Variants in NRXN3 observed in about 807,000 individuals in gnomAD.
NRXN3 encodes neurexin III.
In NRXN3, 32 loss-of-function variants were observed where a neutral mutation model predicts 137.6. The observed-to-expected ratio is 0.23, with a 90% CI of 0.18 to 0.31. The LOEUF (loss-of-function observed/expected upper bound fraction) is 0.31. NRXN3 is among the 10% of genes least tolerant of loss of function. The pLI is 1.00. For missense variants in NRXN3, 1,574 were observed against 2,062.5 expected (o/e 0.76, Z 4.59); for synonymous variants, 798 against 784.5 (o/e 1.02, Z -0.29).
At chr14:79,473,122 A>G (rs75933209) in intron 16 of NRXN3, among the ~76,000 whole-genome samples, 3,637 of 152,144 alleles carry the variant, frequency 0.024, 157 homozygotes, top group African/African-American at 0.083. Context: ...CCTGACTTAA[A>G]ATGTAGATTG....
At chr14:79,500,495 C>T (rs1163245047) in intron 16 of NRXN3, among the ~76,000 whole-genome samples, 1 of 152,190 alleles carries the variant, frequency 6.6e-6, no homozygotes, top group Non-Finnish European at 1.5e-5. Flanking sequence ...AAATTATTAA[C>T]TATTATGCAT....
At chr14:78,953,415 C>A (rs573292800) in intron 10 of NRXN3, among the ~76,000 whole-genome samples, 1 of 152,146 alleles carries the variant, frequency 6.6e-6, no homozygotes, top group Non-Finnish European at 1.5e-5. Context: ...TATCTTATTC[C>A]GTATTCCCCA....
chr14:79,275,993 G>T (rs2080229279), intron 15 of NRXN3, among the ~76,000 whole-genome samples: 1 of 151,984 alleles, frequency 6.6e-6, no homozygotes, highest in Admixed American at 6.6e-5. Flanking sequence ...CTTAAAAGTG[G>T]ACTCTCATTT....
At chr14:79,766,996 A>G (rs569648343) in intron 19 of NRXN3, among the ~76,000 whole-genome samples, 4 of 152,354 alleles carry the variant, frequency 2.6e-5, no homozygotes, top group African/African-American at 9.6e-5. Flanking sequence ...TCACCGTGAT[A>G]CTTATGACAC....
chr14:78,573,521 T>C (rs1369051093), intron 4 of NRXN3, among the ~76,000 whole-genome samples: 1 of 152,238 alleles, frequency 6.6e-6, no homozygotes, highest in Non-Finnish European at 1.5e-5. Context: ...TGCTATACTT[T>C]AGCAAACAGA....
intron 4 of NRXN3, among the ~76,000 whole-genome samples, chr14:78,304,414 G>C (rs1433176615): frequency 6.6e-6 from 1 of 152,192 alleles, no homozygotes. Flanking sequence ...ACAAAACTGA[G>C]CAGGGTGGGT....
intron 15 of NRXN3, among the ~76,000 whole-genome samples, chr14:79,095,617 G>A (rs750207469): frequency 3.3e-5 from 5 of 151,528 alleles, no homozygotes; most frequent in Non-Finnish European, 7.4e-5. Flanking sequence ...TAACAATATC[G>A]ATTTGTGGGA....
At chr14:79,207,227 A>G (rs1597277843) in intron 15 of NRXN3, among the ~76,000 whole-genome samples, 1 of 152,248 alleles carries the variant, frequency 6.6e-6, no homozygotes, top group Admixed American at 6.5e-5. Context: ...TTCACCTGGG[A>G]TTTTTTAATA....
intron 15 of NRXN3, among the ~76,000 whole-genome samples, chr14:79,421,821 CTCTT>C (rs2095579884): frequency 6.6e-6 from 1 of 152,162 alleles, no homozygotes; most frequent in African/African-American, 2.4e-5. Context: ...AAAAAGTTCT[CTCTT>C]TGTCTATTGT....
At chr14:78,803,859 G>A in intron 9 of NRXN3, 36 bp downstream of exon 9, 1 of 1,570,522 alleles carries the variant, frequency 6.4e-7, no homozygotes, top group South Asian at 1.1e-5. Context: ...CTTCGTTTGG[G>A]CTTGTCTTCC....
intron 15 of NRXN3, among the ~76,000 whole-genome samples, chr14:79,039,491 G>A (rs753450272): frequency 8.0e-4 from 122 of 152,124 alleles, no homozygotes; most frequent in Non-Finnish European, 1.5e-3. Flanking sequence ...GAGGGACAAG[G>A]CAGCTTTTGG....
chr14:78,797,082 A>G (rs1053094678), intron 8 of NRXN3, among the ~76,000 whole-genome samples: 2 of 152,216 alleles, frequency 1.3e-5, no homozygotes, highest in South Asian at 2.1e-4. Flanking sequence ...TATTTGATCA[A>G]TAAGTTACTT....
chr14:79,692,869 G>A (rs1395071169), intron 18 of NRXN3, among the ~76,000 whole-genome samples: 2 of 151,990 alleles, frequency 1.3e-5, no homozygotes, highest in African/African-American at 4.8e-5. Context: ...TTAAGGTTGT[G>A]TCCTAGTTGC....
intron 15 of NRXN3, among the ~76,000 whole-genome samples, chr14:79,355,603 A>G (rs547514102): frequency 6.6e-6 from 1 of 152,288 alleles, no homozygotes; most frequent in East Asian, 1.9e-4. Flanking sequence ...ATTATCCACT[A>G]TGGTTATTTT....
intron 16 of NRXN3, among the ~76,000 whole-genome samples, chr14:79,502,987 C>T (rs1259420897): frequency 6.6e-6 from 1 of 152,108 alleles, no homozygotes; most frequent in Non-Finnish European, 1.5e-5. Context: ...AAATAGCCTG[C>T]CCAGCCAAGT....
Position 79,252,004 on chromosome 14 carries a change from G to A in NRXN3, c.3263-215217G>A, listed in dbSNP as rs148949535. On this transcript the variant is annotated intron_variant, in intron 15 of 20. Coordinates refer to ENST00000335750, the MANE Select transcript of NRXN3 (RefSeq NM_001330195.2). ...AATTTTTTATTTTTTGTAGAAATAA[G>A]GTCTTCCTATCTTCCCCAGGTTACA... is the stretch of plus-strand genomic sequence containing the variant. 6.7e-3 allele frequency among the ~76,000 whole-genome samples: 1,024 copies of A among 151,746 alleles called. 12 individuals carry two copies. The highest frequency in any genetic ancestry group is 0.011 in the Non-Finnish European group (737 of 67,848).
intron 4 of NRXN3, among the ~76,000 whole-genome samples, chr14:78,553,669 C>A (rs78867901): frequency 1.3e-5 from 2 of 152,188 alleles, no homozygotes; most frequent in African/African-American, 4.8e-5. Flanking sequence ...TTTGGTAAGT[C>A]CGGGGATCTG....
intron 6 of NRXN3, among the ~76,000 whole-genome samples, chr14:78,698,831 G>T (rs1435462785): frequency 6.6e-6 from 1 of 152,016 alleles, no homozygotes; most frequent in African/African-American, 2.4e-5. Flanking sequence ...ATATTCAGTG[G>T]TTCCAAGAAA....
At chr14:79,812,799 A>G (rs1171729158) in intron 20 of NRXN3, among the ~76,000 whole-genome samples, 1 of 152,182 alleles carries the variant, frequency 6.6e-6, no homozygotes, top group Non-Finnish European at 1.5e-5. Flanking sequence ...GAGAATTTCA[A>G]TCTGAACTCA....
Sources: allele counts gnomAD v4.1 joint callset (sites outside exome capture counted in the v4.1 genomes callset), GRCh38; gene constraint gnomAD v4.1.1; transcripts MANE v1.5; gene names NCBI Gene and HGNC (gene_info 2026-07-23, HGNC 2026-07-21).